PRKN: variants seen among roughly 807,000 people sequenced by gnomAD.
The protein encoded by PRKN is parkin RBR E3 ubiquitin protein ligase.
A neutral mutation model predicts 59.5 loss-of-function variants in PRKN; 56 were observed. The ratio of observed to expected loss-of-function variants is 0.94; its 90% CI spans 0.76 to 1.18. The LOEUF (loss-of-function observed/expected upper bound fraction) is 1.18. PRKN is among the 50% of genes most tolerant of loss of function. PRKN has a pLI of 0.00. For synonymous variants in PRKN, 250 were observed against 222.1 expected (o/e 1.13, Z -1.12); for missense variants, 657 against 596.4 (o/e 1.10, Z -1.06).
chr6:161,657,457 A>T (rs1784390630), intron 7 of PRKN, among the ~76,000 whole-genome samples: 1 of 152,180 alleles, frequency 6.6e-6, no homozygotes, highest in Non-Finnish European at 1.5e-5. Context: ...ACCCTGTGTG[A>T]GTGGCCTCTC....
At chr6:161,777,793 G>GTATATATGTATATATGTATATGTAT (rs200958113) in intron 7 of PRKN, among the ~76,000 whole-genome samples, 1 of 136,294 alleles carries the variant, frequency 7.3e-6, no homozygotes, top group African/African-American at 2.8e-5. Flanking sequence ...ATGTATATAT[G>GTATATATGTATATATGTATATGTAT]ATATATGTAT....
intron 5 of PRKN, among the ~76,000 whole-genome samples, chr6:162,019,666 C>G (rs1783060470): frequency 6.6e-6 from 1 of 152,112 alleles, no homozygotes; most frequent in Non-Finnish European, 1.5e-5. Flanking sequence ...GCTTTGTTAG[C>G]ACAACAGACT....
chr6:162,007,366 TAGC>T, intron 5 of PRKN, among the ~76,000 whole-genome samples: 1 of 152,230 alleles, frequency 6.6e-6, no homozygotes, highest in African/African-American at 2.4e-5. Flanking sequence ...GCAAGTATAA[TAGC>T]AGACACATTT....
chr6:161,848,471 C>G lies in PRKN; in HGVS notation c.735-62563G>C, dbSNP rs530108062. On this transcript the variant is annotated intron_variant, in intron 6 of 11. Transcript: ENST00000366898. ...TTTTAAATTTTATGAGTTTAACATG[C>G]GTGATATATAAATCACAGTCAAACA... is the stretch of plus-strand genomic sequence containing the variant. Among the ~76,000 whole-genome samples, 105 of 152,242 alleles carry G rather than the reference C, an allele frequency of 6.9e-4. 4 individuals are homozygous for G. The South Asian group carries it at 0.021, about 30-fold the overall frequency.
chr6:162,375,662 T>C (rs763320642), intron 2 of PRKN, among the ~76,000 whole-genome samples: 3 of 151,954 alleles, frequency 2.0e-5, no homozygotes, highest in African/African-American at 4.8e-5. Flanking sequence ...ATAGGGATAC[T>C]AGACATGTAC....
chr6:161,819,915 T>C (rs1421393002), intron 6 of PRKN, among the ~76,000 whole-genome samples: 1 of 152,034 alleles, frequency 6.6e-6, no homozygotes, highest in Non-Finnish European at 1.5e-5. Flanking sequence ...AAGCATAATA[T>C]CCAAAACAGC....
At chr6:162,428,993 G>A (rs1315165912) in intron 2 of PRKN, among the ~76,000 whole-genome samples, 1 of 152,182 alleles carries the variant, frequency 6.6e-6, no homozygotes, top group Admixed American at 6.5e-5. Flanking sequence ...ATATAAGGTA[G>A]TGTCACCAGT....
chr6:161,641,202 A>G (rs1071892), intron 7 of PRKN, among the ~76,000 whole-genome samples: 107,284 of 152,238 alleles, frequency 0.7, 39,130 homozygotes, highest in African/African-American at 0.87. Flanking sequence ...CTGCTTTTGC[A>G]GGACACAATA....
Position 161,353,256 on chromosome 6 carries a change from C to T in PRKN, c.1286-3045G>A, listed in dbSNP as rs938600319. ...AGCCCAGGGCAGGACTGGAACCATC[C>T]GCAGCTGTTCTGACTGTGGGTTATA... On this transcript the variant is annotated intron_variant, in intron 11 of 11. Transcript: ENST00000366898. The surrounding 1 kb of genome is among the most constrained non-coding windows in gnomAD (Gnocchi z 4.8). 6.6e-6 allele frequency among the ~76,000 whole-genome samples: 1 copy of T among 152,152 alleles called. No individual in the cohort carries two copies. Among genetic ancestry groups the T allele is most frequent in the African/African-American group, 2.4e-5 (1 of 41,444 alleles).
chr6:162,283,426 G>A (rs555975310), intron 2 of PRKN, among the ~76,000 whole-genome samples: 1 of 152,252 alleles, frequency 6.6e-6, no homozygotes, highest in Non-Finnish European at 1.5e-5. Context: ...TTCTTTGTGA[G>A]TGCTCCAGTA....
chr6:162,045,839 C>T (rs1211895392), intron 5 of PRKN, among the ~76,000 whole-genome samples: 1 of 152,150 alleles, frequency 6.6e-6, no homozygotes, highest in East Asian at 1.9e-4. Flanking sequence ...TCTTCTCACT[C>T]CATTAGGCTC....
rs1787215930 is a variant in PRKN at position 161,405,338 on chromosome 6, G to A, written c.1084-18461C>T. 1.3e-5 allele frequency among the ~76,000 whole-genome samples: 2 copies of A among 152,128 alleles called. No individual in the cohort carries two copies. Among genetic ancestry groups the A allele is most frequent in the African/African-American group, 4.8e-5 (2 of 41,426 alleles). On this transcript the variant is annotated intron_variant, in intron 9 of 11. Coordinates refer to ENST00000366898, the MANE Select transcript of PRKN (RefSeq NM_004562.3). The surrounding 1 kb of genome is among the most constrained non-coding windows in gnomAD (Gnocchi z 5.1). ...CATGCCTGTAATCTCAGCACTTTGGGAGGCTGAGGCAGGTGGATCAATTGA... is the reference window on the plus strand; with the variant it reads ...CATGCCTGTAATCTCAGCACTTTGGAAGGCTGAGGCAGGTGGATCAATTGA...
intron 2 of PRKN, among the ~76,000 whole-genome samples, chr6:162,320,392 T>A (rs1373987111): frequency 1.0e-4 from 8 of 77,090 alleles, no homozygotes; most frequent in East Asian, 4.2e-4. Context: ...AAACCAAGCA[T>A]TTTAAGATCA....
At chr6:161,976,661 C>T (rs1014529077) in intron 5 of PRKN, among the ~76,000 whole-genome samples, 2 of 152,158 alleles carry the variant, frequency 1.3e-5, no homozygotes, top group African/African-American at 4.8e-5. Context: ...AACGAAAAGT[C>T]TGAAGGACAT....
At chr6:161,740,205 C>T (rs763280986) in intron 7 of PRKN, among the ~76,000 whole-genome samples, 2 of 152,196 alleles carry the variant, frequency 1.3e-5, no homozygotes, top group South Asian at 2.1e-4. Context: ...CCTTTAAGTG[C>T]TTTTGAAATA....
chr6:161,491,178 G>T (rs1223000971), intron 9 of PRKN, among the ~76,000 whole-genome samples: 1 of 152,194 alleles, frequency 6.6e-6, no homozygotes, highest in African/African-American at 2.4e-5. Flanking sequence ...TATATCAGAT[G>T]ACTTCAAGAT....
rs11272825 is a variant in PRKN, at chr6:161,445,795, T to TTTCCCTTCCCTTCCCTTCCCTTCCC, written c.1084-58943_1084-58919dup. 7.7e-4 allele frequency among the ~76,000 whole-genome samples: 115 copies of TTTCCCTTCCCTTCCCTTCCCTTCCC among 149,386 alleles called. No individual in the cohort carries two copies. Among genetic ancestry groups the TTTCCCTTCCCTTCCCTTCCCTTCCC allele is most frequent in the African/African-American group, 2.3e-3 (93 of 40,662 alleles). On this transcript the variant is annotated intron_variant, in intron 9 of 11. Coordinates refer to ENST00000366898, the MANE Select transcript of PRKN (RefSeq NM_004562.3). The surrounding 1 kb of genome is among the most constrained non-coding windows in gnomAD (Gnocchi z 7.7). The stretch of plus-strand genomic sequence containing the variant: ...GGCCGCCAGCAAAGAATACAAGGGG[T>TTTCCCTTCCCTTCCCTTCCCTTCCC]TTCCCTTCCCTTCCCTTCCCTTCCC...
chr6:162,230,919 T>C (rs117526205), intron 3 of PRKN, among the ~76,000 whole-genome samples: 5,688 of 152,256 alleles, frequency 0.037, 156 homozygotes, highest in Non-Finnish European at 0.051. Context: ...TTCTATCTCA[T>C]AAAAAATATT....
intron 7 of PRKN, among the ~76,000 whole-genome samples, chr6:161,688,243 C>T (rs1031485381): frequency 6.6e-6 from 1 of 152,190 alleles, no homozygotes; most frequent in African/African-American, 2.4e-5. Context: ...AGGTCATTTT[C>T]ACCCCCAGTG....
Sources: gnomAD v4.1 joint callset for allele counts (sites outside exome capture counted in the v4.1 genomes callset) on GRCh38, gnomAD v4.1.1 for gene constraint, Gnocchi (gnomAD v3.1) non-coding constraint, MANE v1.5 for transcripts, NCBI Gene and HGNC (gene_info 2026-07-23, HGNC 2026-07-21) for gene names.